Variants in ZNF469 observed in about 807,000 individuals in gnomAD.
ZNF469 encodes zinc finger protein 469.
ZNF469 carries 1 observed loss-of-function variant against 1.0 expected under a neutral mutation model. The observed-to-expected ratio is 1.00, with a 90% confidence interval of 0.35 to 4.73. The LOEUF (loss-of-function observed/expected upper bound fraction) is 4.73. Among genes scored for constraint, ZNF469 ranks in the 30% most tolerant of loss-of-function variants. The probability of loss-of-function intolerance (pLI) is 0.16; values close to 1 mark genes in which losing one functional copy is unlikely to be tolerated. For missense variants in ZNF469, 6,100 were observed against 5,356.3 expected (o/e 1.14, Z -4.33); for synonymous variants, 2,703 against 2,363.4 (o/e 1.14, Z -4.17).
chr16:88,233,435 G>T, the ZNF469 span, among the ~76,000 whole-genome samples: 2 of 152,318 alleles, frequency 1.3e-5, no homozygotes, highest in African/African-American at 2.4e-5. Flanking sequence ...CCTGGCCTGG[G>T]CCGTGGGCTC....
At chr16:88,296,598 A>C in the ZNF469 span, among the ~76,000 whole-genome samples, 5 of 152,076 alleles carry the variant, frequency 3.3e-5, no homozygotes, top group Admixed American at 1.3e-4. Flanking sequence ...ACACACATGC[A>C]CACTCACAGA....
rs1034825371 is a variant in ZNF469 at position 88,428,038 on chromosome 16, A to G, written c.568A>G (p.Ser190Gly). ...FHRCFQEPPS[S>G]FTSTNYTSPS... is the part of the protein sequence containing the mutation. Reference sequence around the variant, plus strand: ...CAGGTGCTTCCAGGAGCCACCCTCCAGCTTTACCTCCACCAACTATACCTC... The same window carrying G: ...CAGGTGCTTCCAGGAGCCACCCTCCGGCTTTACCTCCACCAACTATACCTC... Residue 190 changes from serine (S) to glycine (G), a missense_variant, in exon 3 of 3, where the codon AGC (serine) becomes GGC (glycine). Transcript: ENST00000565624. The G allele has an allele frequency of 4.5e-6, 7 of 1,549,822 alleles. No individual in the cohort carries two copies. Among genetic ancestry groups the G allele is most frequent in the Admixed American group, 2.0e-5 (1 of 50,982 alleles).
At chr16:88,188,275 C>T in the ZNF469 span, among the ~76,000 whole-genome samples, 171 of 152,024 alleles carry the variant, frequency 1.1e-3, no homozygotes, top group African/African-American at 3.8e-3. Context: ...GCTCCCTCCC[C>T]GACTGAGCAC....
At chr16:88,399,295 T>C (rs1904788280) in intron 1 of ZNF469, among the ~76,000 whole-genome samples, 1 of 152,186 alleles carries the variant, frequency 6.6e-6, no homozygotes, top group African/African-American at 2.4e-5. Context: ...ATCCCAATGA[T>C]CAAAGCAAGT....
chr16:88,123,819 T>C, the ZNF469 span, among the ~76,000 whole-genome samples: 4 of 152,234 alleles, frequency 2.6e-5, no homozygotes, highest in Non-Finnish European at 5.9e-5. Flanking sequence ...TTTTTAAATT[T>C]TGAGATGGAG....
chr16:88,106,219 G>T, the ZNF469 span, among the ~76,000 whole-genome samples: 314 of 152,318 alleles, frequency 2.1e-3, 1 homozygote, highest in African/African-American at 7.0e-3. Context: ...CCACACCCTG[G>T]AGTCAGCGCA....
chr16:88,220,280 G>A, the ZNF469 span, among the ~76,000 whole-genome samples: 1 of 152,200 alleles, frequency 6.6e-6, no homozygotes, highest in Non-Finnish European at 1.5e-5. Flanking sequence ...ATCCTTCAGC[G>A]AGATTGGAAG....
At chr16:88,320,994 C>T in the ZNF469 span, among the ~76,000 whole-genome samples, 3 of 152,344 alleles carry the variant, frequency 2.0e-5, no homozygotes, top group African/African-American at 7.2e-5. Flanking sequence ...GCGAATGAGA[C>T]ACCGTGGCTG....
chr16:88,434,088 CA>C lies in ZNF469; in HGVS notation c.6620del (p.Lys2207ArgfsTer30). 6.5e-7 allele frequency: 1 copy of C among 1,550,380 alleles called. No individual in the cohort carries two copies. Among genetic ancestry groups the C allele is most frequent in the Non-Finnish European group, 8.7e-7 (1 of 1,146,942 alleles). ...PSLTTSPCDPKEALAGCLLQG... is the reference protein window; with the variant it reads ...PSLTTSPCDPXEALAGCLLQG... Reference sequence around the variant, plus strand: ...CTTTGACAACAAGCCCCTGCGATCCCAAGGAAGCCCTGGCTGGTTGCCTTCT... The same window carrying C: ...CTTTGACAACAAGCCCCTGCGATCCCAGGAAGCCCTGGCTGGTTGCCTTCT... On this transcript the variant is annotated frameshift_variant, in exon 3 of 3. Transcript: ENST00000565624. LOFTEE classifies it low-confidence loss of function (END_TRUNC).
chr16:88,413,736 G>C (rs1434315666), intron 1 of ZNF469, among the ~76,000 whole-genome samples: 1 of 152,234 alleles, frequency 6.6e-6, no homozygotes, highest in African/African-American at 2.4e-5. Context: ...CTGTGGTCCG[G>C]AGGGTGCAGG....
At chr16:88,214,985 T>C in the ZNF469 span, among the ~76,000 whole-genome samples, 2 of 152,258 alleles carry the variant, frequency 1.3e-5, no homozygotes, top group Admixed American at 1.3e-4. Context: ...TTGTCTCTGA[T>C]GATGCTCCTC....
intron 1 of ZNF469, among the ~76,000 whole-genome samples, chr16:88,398,782 T>C (rs1267933863): frequency 6.6e-6 from 1 of 152,072 alleles, no homozygotes; most frequent in Non-Finnish European, 1.5e-5. Flanking sequence ...ACTTGGCTCC[T>C]TTGCAGCAGC....
At chr16:88,287,962 C>A in the ZNF469 span, among the ~76,000 whole-genome samples, 1 of 152,026 alleles carries the variant, frequency 6.6e-6, no homozygotes, top group Admixed American at 6.6e-5. Context: ...GGTTTGTTTG[C>A]TTGCTTTTCT....
chr16:88,117,573 C>CGTACCGTGGAGGTGCCACGTGCCTTCGG, the ZNF469 span, among the ~76,000 whole-genome samples: 114 of 22,228 alleles, frequency 5.1e-3, no homozygotes, highest in African/African-American at 0.022. Context: ...CGTGCCTTCA[C>CGTACCGTGGAGGTGCCACGTGCCTTCGG]GGACCGTGGA....
chr16:88,435,980 C>T lies in ZNF469; in HGVS notation c.8510C>T (p.Pro2837Leu), dbSNP rs1420220389. 3 of 1,549,966 alleles carry T rather than the reference C, an allele frequency of 1.9e-6. No individual in the cohort carries two copies. The highest frequency in any genetic ancestry group is 2.6e-6 in the Non-Finnish European group (3 of 1,146,994). ...GGTGGAGTCCAGGGGCCTGAAGGCC[C>T]CACTCCTGATGCCTCTGGCTCCAGT... ...TQGGVQGPEG[P>L]TPDASGSSAK... The change falls in exon 3 of 3, where the codon CCC becomes CTC. Residue 2837 changes from proline (P) to leucine (L), a missense_variant. By Grantham distance (98) the Pro-to-Leu change is moderately conservative. Coordinates refer to ENST00000565624, the MANE Select transcript of ZNF469 (RefSeq NM_001367624.2).
chr16:88,140,697 C>T, the ZNF469 span, among the ~76,000 whole-genome samples: 5 of 152,104 alleles, frequency 3.3e-5, no homozygotes, highest in Admixed American at 6.5e-5. Flanking sequence ...TTTGGGAAGC[C>T]GAGGTGGGTG....
In ZNF469 at chr16:88,440,645, A is replaced by G. The variant is rs1394145011; in HGVS notation, c.*1313A>G. ...TCTGGAAGGTGTTGTAGGCCATTCAAAACGCCTCCGGAGTGTCGCAAACCA... is the reference window on the plus strand; with the variant it reads ...TCTGGAAGGTGTTGTAGGCCATTCAGAACGCCTCCGGAGTGTCGCAAACCA... On this transcript the variant is annotated 3_prime_UTR_variant, in exon 3 of 3. Coordinates refer to ENST00000565624, the MANE Select transcript of ZNF469 (RefSeq NM_001367624.2). 6.6e-6 allele frequency: 1 copy of G among 152,166 alleles called. No individual in the cohort carries two copies. The highest frequency in any genetic ancestry group is 6.5e-5 in the Admixed American group (1 of 15,280). The allele number at this position is 152,166 out of a possible 1,614,324, so 9.4% of individuals were successfully genotyped here. A position where few individuals can be genotyped will look rare whatever the true frequency, so the allele number is the denominator to read the frequency against.
chr16:88,235,988 G>A, the ZNF469 span, among the ~76,000 whole-genome samples: 27,456 of 152,208 alleles, frequency 0.18, 2,647 homozygotes, highest in East Asian at 0.34. Context: ...TTTCTGATTA[G>A]CAATTGGTTG....
In ZNF469 at chr16:88,430,229, C is replaced by G; in HGVS notation, c.2759C>G (p.Ala920Gly). The G allele has an allele frequency of 1.3e-6, 2 of 1,535,392 alleles. No individual in the cohort carries two copies. Among genetic ancestry groups the G allele is most frequent in the Non-Finnish European group, 1.8e-6 (2 of 1,139,630 alleles). The part of the protein sequence containing the change: ...TPRPGDRGCP[A>G]RGRPKTRSLG... ...CGCCCTGGGGACAGGGGCTGCCCAGCCCGAGGCAGGCCCAAAACGCGTTCC... is the reference window on the plus strand; with the variant it reads ...CGCCCTGGGGACAGGGGCTGCCCAGGCCGAGGCAGGCCCAAAACGCGTTCC... Residue 920 changes from alanine to glycine, a missense_variant, in exon 3 of 3, where the codon GCC (alanine) becomes GGC (glycine). By Grantham distance (60) the Ala-to-Gly change is moderately conservative. Transcript: ENST00000565624.
Sources: allele counts gnomAD v4.1 joint callset (sites outside exome capture counted in the v4.1 genomes callset), GRCh38; gene constraint gnomAD v4.1.1; transcripts MANE v1.5; gene names NCBI Gene and HGNC (gene_info 2026-07-23, HGNC 2026-07-21).